Variants in BAG1 observed in about 807,000 individuals in gnomAD.
The protein encoded by BAG1 is BAG family molecular chaperone regulator 1.
Under a neutral mutation model 35.5 loss-of-function variants are expected in BAG1, and 35 were observed. That is an observed-to-expected ratio of 0.99 (90% CI 0.75 to 1.31). The LOEUF (loss-of-function observed/expected upper bound fraction) is 1.31. Among genes scored for constraint, BAG1 ranks in the 50% most tolerant of loss-of-function variants. The pLI, the probability that BAG1 is intolerant of heterozygous loss-of-function variation, is 0.00. For synonymous variants in BAG1, 191 were observed against 178.9 expected (o/e 1.07, Z -0.54); for missense variants, 464 against 453.6 (o/e 1.02, Z -0.21).
In BAG1 at chr9:33,255,925, G is replaced by A; in HGVS notation, c.888C>T (p.Ile296=). Residue 296 remains isoleucine (I), a splice_region_variant and synonymous_variant, in exon 6 of 7, where the codon ATC becomes ATT. Coordinates refer to ENST00000634734, the MANE Select transcript of BAG1 (RefSeq NM_004323.6). ...TACTGTCTTTGAAATTTTCTGGCAG[G>A]ATCTATGGAAGAGTAAGTTGATAAT... The A allele has an allele frequency of 6.2e-7, 1 of 1,612,716 alleles. No individual in the cohort carries two copies.
At chr9:33,259,525 C>A (rs970983757) in intron 3 of BAG1, 24 of 154,592 alleles carry the variant, frequency 1.6e-4, no homozygotes, top group African/African-American at 5.3e-4. Flanking sequence ...AGTTTTCCAT[C>A]TACAAAGACT....
At chr9:33,262,996 C>T (rs1158653751) in intron 1 of BAG1, among the ~76,000 whole-genome samples, 166 bp from the exon 2 acceptor site, 1 of 152,230 alleles carries the variant, frequency 6.6e-6, no homozygotes, top group African/African-American at 2.4e-5. Context: ...GTGACCTCCT[C>T]AAGTATCTCT....
rs1287537583 is a variant in BAG1, at chr9:33,254,806, T to C, written c.*413A>G. ...AGGTGCAACCTCCTGGTGATTCTGG[T>C]TTTACAGCTATGGGACTACACGATC... On this transcript the variant is annotated 3_prime_UTR_variant, in exon 7 of 7. Transcript: ENST00000634734. The C allele has an allele frequency of 5.9e-6, 2 of 336,338 alleles. No homozygotes were observed. The highest frequency in any genetic ancestry group is 1.2e-5 in the Non-Finnish European group (2 of 173,720). The allele number at this position is 336,338 out of a possible 1,614,324, so 20.8% of individuals were successfully genotyped here. A position where few individuals can be genotyped will look rare whatever the true frequency, so the allele number is the denominator to read the frequency against.
chr9:33,255,448 G>T, intron 6 of BAG1, 140 bp from the exon 7 acceptor site: 1 of 1,393,640 alleles, frequency 7.2e-7, no homozygotes, highest in Non-Finnish European at 9.8e-7. Context: ...ATGGGCCACT[G>T]GCCTGGGTTC....
chr9:33,260,736 T>C (rs1338950438), intron 3 of BAG1, among the ~76,000 whole-genome samples: 1 of 152,214 alleles, frequency 6.6e-6, no homozygotes, highest in Non-Finnish European at 1.5e-5. Context: ...TCTTAATATC[T>C]ACAAGTTTAT....
chr9:33,262,767 T>C lies in BAG1; in HGVS notation c.515A>G (p.Asp172Gly). 6.2e-7 allele frequency: 1 copy of C among 1,614,074 alleles called. No homozygotes were observed. ...GACCTCTTCAACAACCTGGGCCAGG[T>C]CTTGGACAACTGGTTCACTGCTGCC... The change falls in exon 2 of 7, where the codon GAC (aspartate) becomes GGC (glycine). Residue 172 changes from aspartate (D) to glycine (G), a missense_variant. Transcript: ENST00000634734.
Sources: allele counts gnomAD v4.1 joint callset (sites outside exome capture counted in the v4.1 genomes callset), GRCh38; gene constraint gnomAD v4.1.1; transcripts MANE v1.5; gene names NCBI Gene and HGNC (gene_info 2026-07-23, HGNC 2026-07-21).